Variants in SRM observed in about 807,000 individuals in gnomAD.
The protein encoded by SRM is spermidine synthase.
In SRM, 14 loss-of-function variants were observed where a neutral mutation model predicts 39.3. That is an observed-to-expected ratio of 0.36 (90% CI 0.24 to 0.56). The LOEUF is 0.56. Ranked by LOEUF, SRM falls within the 20% of genes least tolerant of loss-of-function variation. The pLI is 0.86. For synonymous variants in SRM, 195 were observed against 173.1 expected (o/e 1.13, Z -0.99); for missense variants, 244 against 409.2 (o/e 0.60, Z 3.48).
At chr1:11,055,753 C>T (rs1638864642) in intron 6 of SRM, 28 bp downstream of exon 6, 4 of 1,205,840 alleles carry the variant, frequency 3.3e-6, no homozygotes, top group Non-Finnish European at 3.5e-6. Context: ...TTCCCCCCAA[C>T]CCCCACCCCC....
chr1:11,056,642 G>A lies in SRM; in HGVS notation c.497C>T (p.Ala166Val), dbSNP rs779589450. Residue 166 changes from alanine (A) to valine (V), a missense_variant, in exon 4 of 8, where the codon GCC becomes GTC. Ala to Val is a moderately conservative substitution (Grantham distance 64). Transcript: ENST00000376957. ...GFEFMKQNQD[A>V]FDVIITDSSD... is the part of the protein sequence containing the mutation. ...GGAGTCAGTGATGATCACGTCGAAG[G>A]CATCCTGATTCTGTTTCATGAACTC... is the stretch of plus-strand genomic sequence containing the variant. The A allele has an allele frequency of 1.2e-6, 2 of 1,614,172 alleles. No individual in the cohort carries two copies. The highest frequency in any genetic ancestry group is 1.3e-5 in the African/African-American group (1 of 75,036).
Position 11,059,363 on chromosome 1 carries a change from G to A in SRM, c.168-18C>T. ...AGGTCTTACTGCGGGCGGAGTGACA[G>A]TCGGGGACCTGGGTTCTCTGGGGTG... is the stretch of plus-strand genomic sequence containing the variant. On this transcript the variant is annotated intron_variant, in intron 1 of 7. Transcript: ENST00000376957. 1 of 1,611,986 alleles carries A rather than the reference G, an allele frequency of 6.2e-7. No individual in the cohort carries two copies. The highest frequency in any genetic ancestry group is 1.1e-5 in the South Asian group (1 of 91,064).
At chr1:11,058,773 C>G in intron 3 of SRM, 27 bp downstream of exon 3, 1 of 1,580,942 alleles carries the variant, frequency 6.3e-7, no homozygotes. Flanking sequence ...AACCAGGACT[C>G]AAACCTGGCT....
intron 1 of SRM, 43 bp downstream of exon 1, chr1:11,059,734 G>A: frequency 6.4e-7 from 1 of 1,551,662 alleles, no homozygotes; most frequent in Admixed American, 1.9e-5. Context: ...CAGGCGGCCC[G>A]GGCTGAGCCT....
intron 6 of SRM, 145 bp from the exon 7 acceptor site, chr1:11,055,229 T>A: frequency 8.0e-7 from 1 of 1,253,090 alleles, no homozygotes; most frequent in Non-Finnish European, 1.1e-6. Flanking sequence ...GTGATTCTCC[T>A]GCCTCAGCCT....
Position 11,059,991 on chromosome 1 carries a change from C to A in SRM, c.-48G>T. On this transcript the variant is annotated 5_prime_UTR_variant, in exon 1 of 8. Coordinates refer to ENST00000376957, the MANE Select transcript of SRM (RefSeq NM_003132.3). ...GGCGCGGGCCCGGGACTGCAGGCCG[C>A]GCGGCGCCGCAGCACAACGGGACCA... is the stretch of plus-strand genomic sequence containing the variant. 8.5e-6 allele frequency: 8 copies of A among 939,890 alleles called. No homozygotes were observed. The highest frequency in any genetic ancestry group is 9.4e-5 in the South Asian group (2 of 21,190). The allele number at this position is 939,890 out of a possible 1,614,324, so 58.2% of individuals were successfully genotyped here. A position where few individuals can be genotyped will look rare whatever the true frequency, so the allele number is the denominator to read the frequency against.
At chr1:11,058,922 C>A in intron 2 of SRM, 30 bp from the exon 3 acceptor site, 2 of 1,576,838 alleles carry the variant, frequency 1.3e-6, no homozygotes, top group Admixed American at 1.8e-5. Flanking sequence ...AAGGCAGGGG[C>A]CCTGGCAGGA....
Position 11,054,692 on chromosome 1 carries a change from A to G in SRM, c.*173T>C, listed in dbSNP as rs982430840. On this transcript the variant is annotated 3_prime_UTR_variant, in exon 8 of 8. Transcript: ENST00000376957. The surrounding 1 kb of genome is among the most constrained non-coding windows in gnomAD (Gnocchi z 4.8). The stretch of plus-strand genomic sequence containing the variant: ...CTTGGAGGTGGAACGCCAGAGAGAC[A>G]GACACACAGACAGTCCGCCCAGCAG... 3.3e-6 allele frequency: 3 copies of G among 918,638 alleles called. No individual in the cohort carries two copies. The highest frequency in any genetic ancestry group is 4.8e-6 in the Non-Finnish European group (3 of 628,970). 56.9% of individuals were successfully genotyped at this position (918,638 alleles called of 1,614,324 possible).
At chr1:11,059,621 G>T in intron 1 of SRM, 156 bp downstream of exon 1, 2 of 1,027,008 alleles carry the variant, frequency 1.9e-6, no homozygotes, top group Non-Finnish European at 2.7e-6. Flanking sequence ...CGCAGTCCCA[G>T]CCCCAGCCCA....
Position 11,055,888 on chromosome 1 carries a change from T to C in SRM, c.658A>G (p.Met220Val). The change falls in exon 6 of 8, where the codon ATG (methionine) becomes GTG (valine). Residue 220 changes from methionine (M) to valine (V), a missense_variant. Physicochemically the swap from Met to Val is conservative, Grantham distance 21 (BLOSUM62 1). Transcript: ENST00000376957. The stretch of plus-strand genomic sequence containing the variant: ...AACAGGGACTGGCAGAACTGCCGCA[T>C]CTCCTTGATGAGGTCCAGGTGCAGC... Reference protein sequence around the residue: ...QWLHLDLIKEMRQFCQSLFPV... With the variant: ...QWLHLDLIKEVRQFCQSLFPV... 6.2e-7 allele frequency: 1 copy of C among 1,610,764 alleles called. No homozygotes were observed. The highest frequency in any genetic ancestry group is 8.5e-7 in the Non-Finnish European group (1 of 1,178,096).
chr1:11,058,236 C>T (rs1243368548), intron 3 of SRM, among the ~76,000 whole-genome samples: 1 of 151,828 alleles, frequency 6.6e-6, no homozygotes, highest in Non-Finnish European at 1.5e-5. Context: ...GTTGAGCTGT[C>T]TTGGGGCCCT....
chr1:11,055,724 A>C, intron 6 of SRM, 57 bp downstream of exon 6: 4 of 1,517,416 alleles, frequency 2.6e-6, no homozygotes, highest in Non-Finnish European at 3.6e-6. Context: ...AGGGGCAGGG[A>C]TCTCTATTTA....
rs1638870463 is a variant in SRM, at chr1:11,055,944, T to C, written c.620-18A>G. ...GCACTCGCCTGGGGGCCCCTAAGCA[T>C]CAGCATCCGGCAGGGCCTGCCCTGC... is the stretch of plus-strand genomic sequence containing the variant. On this transcript the variant is annotated intron_variant, in intron 5 of 7. Coordinates refer to ENST00000376957, the MANE Select transcript of SRM (RefSeq NM_003132.3). The C allele has an allele frequency of 1.9e-6, 3 of 1,591,674 alleles. No individual in the cohort carries two copies. Among genetic ancestry groups the C allele is most frequent in the Non-Finnish European group, 2.6e-6 (3 of 1,166,720 alleles).
At position 11,054,673 on chromosome 1, in the gene SRM, G is replaced by A; in HGVS notation, c.*192C>T. ...TGTACACAGCTGGTATAGGCTTGGA[G>A]GTGGAACGCCAGAGAGACAGACACA... On this transcript the variant is annotated 3_prime_UTR_variant, in exon 8 of 8. Coordinates refer to ENST00000376957, the MANE Select transcript of SRM (RefSeq NM_003132.3). The surrounding 1 kb of genome is among the most constrained non-coding windows in gnomAD (Gnocchi z 4.8). The A allele has an allele frequency of 1.3e-6, 1 of 768,194 alleles. No homozygotes were observed. Among genetic ancestry groups the A allele is most frequent in the Non-Finnish European group, 2.0e-6 (1 of 492,992 alleles). The allele number at this position is 768,194 out of a possible 1,614,324, so 47.6% of individuals were successfully genotyped here.
In SRM at chr1:11,059,572, G is replaced by A. The variant is rs1379311649; in HGVS notation, c.167+205C>T. 5 of 912,518 alleles carry A rather than the reference G, an allele frequency of 5.5e-6. No homozygotes were observed. The Admixed American group carries it at 1.2e-4, about 21-fold the overall frequency. 56.5% of individuals were successfully genotyped at this position (912,518 alleles called of 1,614,324 possible). On this transcript the variant is annotated intron_variant, in intron 1 of 7. Transcript: ENST00000376957. ...TGTCCTGAGGGCTGACACGTGGAGC[G>A]GGGCGCAGACTCCGACTCCCCCACC...
chr1:11,057,811 C>G (rs1412536178), intron 3 of SRM, among the ~76,000 whole-genome samples: 1 of 151,850 alleles, frequency 6.6e-6, no homozygotes, highest in Non-Finnish European at 1.5e-5. Context: ...CAGATTCTTC[C>G]TCTGTCACCC....
At chr1:11,055,747 C>T in intron 6 of SRM, 34 bp downstream of exon 6, 4 of 1,498,680 alleles carry the variant, frequency 2.7e-6, no homozygotes, top group Non-Finnish European at 3.6e-6. Context: ...CCCACCTTCC[C>T]CCCAACCCCC....
rs1374579948 is a variant in SRM at position 11,056,756 on chromosome 1, T to C, written c.383A>G (p.Asp128Gly). ...ESVVQCEIDE[D>G]VIQVSKKFLP... ...GAACTTCTTGGAGACTTGGATGACA[T>C]CCTGGAGGGGATGGGAGGGACCAGT... Residue 128 changes from aspartate (D) to glycine (G), a missense_variant and splice_region_variant, in exon 4 of 8, where the codon GAT becomes GGT. Physicochemically the swap from Asp to Gly is moderately conservative, Grantham distance 94. Transcript: ENST00000376957. 1 of 1,614,082 alleles carries C rather than the reference T, an allele frequency of 6.2e-7. No individual in the cohort carries two copies. Among genetic ancestry groups the C allele is most frequent in the South Asian group, 1.1e-5 (1 of 91,082 alleles).
chr1:11,059,491 G>A (rs1019448102), intron 1 of SRM, 146 bp from the exon 2 acceptor site: 7 of 1,416,628 alleles, frequency 4.9e-6, no homozygotes, highest in Non-Finnish European at 6.7e-6. Flanking sequence ...AGGAACGGCA[G>A]GCGGGCCGCC....
Sources: allele counts gnomAD v4.1 joint callset (sites outside exome capture counted in the v4.1 genomes callset), GRCh38; gene constraint gnomAD v4.1.1; non-coding constraint Gnocchi (gnomAD v3.1); transcripts MANE v1.5; gene names NCBI Gene and HGNC (gene_info 2026-07-23, HGNC 2026-07-21).